The following PHLDB1 variants were observed in gnomAD, a reference collection of about 807,000 sequenced individuals.
PHLDB1 encodes pleckstrin homology like domain family B member 1.
In PHLDB1, 65 loss-of-function variants were observed where a neutral mutation model predicts 139.3. The ratio of observed to expected loss-of-function variants is 0.47; its 90% CI spans 0.38 to 0.57. The LOEUF is 0.57. Ranked by LOEUF, PHLDB1 falls within the 20% of genes least tolerant of loss-of-function variation. PHLDB1 has a pLI of 0.00. For missense variants in PHLDB1, 1,624 were observed against 1,839.7 expected (o/e 0.88, Z 2.14); for synonymous variants, 679 against 734.5 (o/e 0.92, Z 1.22).
Position 118,650,763 on chromosome 11 carries a change from A to G in PHLDB1, c.3874+216A>G, listed in dbSNP as rs1555135960. Reference sequence around the variant, plus strand: ...ATTCCTTCATTCAGCAATGTTACTAAGCATCTAGTAAGTTCTAGGCACTGT... The same window carrying G: ...ATTCCTTCATTCAGCAATGTTACTAGGCATCTAGTAAGTTCTAGGCACTGT... On this transcript the variant is annotated intron_variant, in intron 20 of 22. Coordinates refer to ENST00000600882, the MANE Select transcript of PHLDB1 (RefSeq NM_001144758.3). The surrounding 1 kb of genome is among the most constrained non-coding windows in gnomAD (Gnocchi z 4.7). The G allele has an allele frequency of 3.5e-6, 2 of 578,842 alleles. No homozygotes were observed. Among genetic ancestry groups the G allele is most frequent in the Non-Finnish European group, 6.2e-6 (2 of 323,668 alleles). The allele number at this position is 578,842 out of a possible 1,614,324, so 35.9% of individuals were successfully genotyped here.
Position 118,628,439 on chromosome 11 carries a change from G to GC in PHLDB1, c.1619dup (p.Ala541SerfsTer38). ...AAGGGCAGCTTCAGTGGCAGGCTGAGCCCAGCCTACAGTCTGGGCTCTCTT... is the reference window on the plus strand; with the variant it reads ...AAGGGCAGCTTCAGTGGCAGGCTGAGCCCCAGCCTACAGTCTGGGCTCTCTT... On this transcript the variant is annotated frameshift_variant, in exon 6 of 23. Transcript: ENST00000600882. LOFTEE classifies it high-confidence loss of function. 1 of 1,610,042 alleles carries GC rather than the reference G, an allele frequency of 6.2e-7. No homozygotes were observed. The highest frequency in any genetic ancestry group is 8.5e-7 in the Non-Finnish European group (1 of 1,178,678).
In PHLDB1 at chr11:118,656,928, G is replaced by A. The variant is rs192151177; in HGVS notation, c.*105G>A. ...GTGAGTTTCTGGGCTCTGGCCTCCT[G>A]AAGAACCAGCCAGAAGAAGAAAAGT... On this transcript the variant is annotated 3_prime_UTR_variant, in exon 23 of 23. Coordinates refer to ENST00000600882, the MANE Select transcript of PHLDB1 (RefSeq NM_001144758.3). 3.7e-4 allele frequency: 377 copies of A among 1,014,204 alleles called. 1 individual carries two copies. The highest frequency in any genetic ancestry group is 5.2e-4 in the Non-Finnish European group (362 of 696,386). 62.8% of individuals were successfully genotyped at this position (1,014,204 alleles called of 1,614,324 possible).
chr11:118,607,964 TC>T (rs1217138876), intron 1 of PHLDB1, among the ~76,000 whole-genome samples: 1 of 151,530 alleles, frequency 6.6e-6, no homozygotes, highest in Non-Finnish European at 1.5e-5. Context: ...CGTGACGCTC[TC>T]CCCCCCTTGG....
At chr11:118,622,703 G>A (rs924813631) in intron 4 of PHLDB1, among the ~76,000 whole-genome samples, 1 of 152,208 alleles carries the variant, frequency 6.6e-6, no homozygotes, top group African/African-American at 2.4e-5. Context: ...GAGTGGCTCT[G>A]TCTAGACCCT....
chr11:118,638,467 G>A (rs782597823), intron 10 of PHLDB1, among the ~76,000 whole-genome samples: 7 of 152,226 alleles, frequency 4.6e-5, no homozygotes, highest in Non-Finnish European at 8.8e-5. Context: ...AGATATTTGT[G>A]ACAGTGTGGA....
chr11:118,634,676 C>T (rs1477920125), intron 9 of PHLDB1: 1 of 217,510 alleles, frequency 4.6e-6, no homozygotes, highest in Admixed American at 5.6e-5. Flanking sequence ...CTTGGGCCCT[C>T]TCCCTCTTCA....
Position 118,635,500 on chromosome 11 carries a change from G to A in PHLDB1, c.2487G>A (p.Gly829=). ...VEEERELAGQ[G]LLRSKAELLR... ...AGGAGCGCGAGCTGGCCGGCCAGGG[G>A]CTGCTCCGGAGCAAGGCTGAGCTGC... is the stretch of plus-strand genomic sequence containing the variant. Residue 829 remains glycine, a synonymous_variant, in exon 10 of 23, where the codon GGG becomes GGA. Coordinates refer to ENST00000600882, the MANE Select transcript of PHLDB1 (RefSeq NM_001144758.3). The A allele has an allele frequency of 6.2e-7, 1 of 1,609,072 alleles. No homozygotes were observed. Among genetic ancestry groups the A allele is most frequent in the South Asian group, 1.1e-5 (1 of 90,144 alleles).
At chr11:118,625,518 T>C (rs1238410709) in intron 5 of PHLDB1, among the ~76,000 whole-genome samples, 16 of 152,232 alleles carry the variant, frequency 1.1e-4, no homozygotes, top group Admixed American at 9.8e-4. Flanking sequence ...CAGCTGTATT[T>C]TGTGTGTGAA....
At position 118,616,217 on chromosome 11, in the gene PHLDB1, G is replaced by A; in HGVS notation, c.355+6G>A. 1 of 1,613,224 alleles carries A rather than the reference G, an allele frequency of 6.2e-7. No individual in the cohort carries two copies. The highest frequency in any genetic ancestry group is 1.1e-5 in the South Asian group (1 of 91,042). On this transcript the variant is annotated splice_donor_region_variant and intron_variant, in intron 4 of 22. Coordinates refer to ENST00000600882, the MANE Select transcript of PHLDB1 (RefSeq NM_001144758.3). ...GCCTACCCGGCTCACTCAGGGTAAG[G>A]CTGGACACCTCCAGATGGAGGGGGC...
intron 20 of PHLDB1, chr11:118,651,028 A>G (rs1461524384): frequency 6.1e-6 from 1 of 164,734 alleles, no homozygotes; most frequent in Non-Finnish European, 1.3e-5. Flanking sequence ...TAGCCCAGGA[A>G]CAGGCCGACT....
chr11:118,611,823 A>T lies in PHLDB1; in HGVS notation c.-21-1993A>T, dbSNP rs4938516. 4.5e-3 allele frequency among the ~76,000 whole-genome samples: 475 copies of T among 105,116 alleles called. 3 individuals carry two copies. The highest frequency in any genetic ancestry group is 0.018 in the South Asian group (68 of 3,884). 69.0% of individuals were successfully genotyped at this position (105,116 alleles called of 152,430 possible). A position where few individuals can be genotyped will look rare whatever the true frequency, so the allele number is the denominator to read the frequency against. ...ACAAGAGTGAAACTCCGTCTCAAAA[A>T]AAAAAAAAAAATAATAATAATAATA... On this transcript the variant is annotated intron_variant, in intron 1 of 22. Coordinates refer to ENST00000600882, the MANE Select transcript of PHLDB1 (RefSeq NM_001144758.3). The surrounding 1 kb of genome is among the most constrained non-coding windows in gnomAD (Gnocchi z 4.7).
intron 1 of PHLDB1, among the ~76,000 whole-genome samples, chr11:118,609,738 C>T (rs1555082108): frequency 6.6e-6 from 1 of 152,224 alleles, no homozygotes; most frequent in Non-Finnish European, 1.5e-5. Flanking sequence ...GGCGGGCAGG[C>T]GGCAGCGGCA....
At chr11:118,635,693 G>T in intron 10 of PHLDB1, 145 bp downstream of exon 10, 1 of 710,164 alleles carries the variant, frequency 1.4e-6, no homozygotes. Context: ...GTTGTTGTGA[G>T]AATTAAACAA....
intron 17 of PHLDB1, chr11:118,646,607 T>C (rs1947576444): frequency 6.6e-6 from 1 of 152,240 alleles, no homozygotes; most frequent in Non-Finnish European, 1.5e-5. Flanking sequence ...CAGAGAGGGC[T>C]GACAGCTCCT....
chr11:118,643,649 T>C (rs1591704361), intron 13 of PHLDB1, 151 bp from the exon 14 acceptor site: 6 of 1,531,962 alleles, frequency 3.9e-6, no homozygotes, highest in Non-Finnish European at 5.2e-6. Context: ...CATCTGGCCA[T>C]TGGGCTGGCT....
At chr11:118,615,194 C>CAAAAAA (rs71041841) in intron 3 of PHLDB1, 27 of 65,430 alleles carry the variant, frequency 4.1e-4, no homozygotes, top group Non-Finnish European at 5.4e-4. Flanking sequence ...GACTCTATCT[C>CAAAAAA]AAAAAAAAAA....
chr11:118,631,857 A>C (rs1052115388), intron 7 of PHLDB1, 56 bp from the exon 8 acceptor site: 2 of 1,534,200 alleles, frequency 1.3e-6, no homozygotes, highest in African/African-American at 2.8e-5. Flanking sequence ...CCATTTTCTT[A>C]GTCTGATTCC....
chr11:118,645,410 C>A lies in PHLDB1; in HGVS notation c.3176C>A (p.Ala1059Glu). The change falls in exon 16 of 23, where the codon GCG becomes GAG. Residue 1059 changes from alanine to glutamate, a missense_variant. Coordinates refer to ENST00000600882, the MANE Select transcript of PHLDB1 (RefSeq NM_001144758.3). This position sits in a 1 kb window ranked among gnomAD's most constrained non-coding sequence, Gnocchi z 5.1. ...CGACTGGCTGAGCTGAAGCAGAAAGCGGCAGCTGAGGCACAGTGCCAGTGG... is the reference window on the plus strand; with the variant it reads ...CGACTGGCTGAGCTGAAGCAGAAAGAGGCAGCTGAGGCACAGTGCCAGTGG... ...RRRLAELKQK[A>E]AAEAQCQWDA... 6.5e-7 allele frequency: 1 copy of A among 1,530,472 alleles called. No individual in the cohort carries two copies. The highest frequency in any genetic ancestry group is 1.4e-5 in the African/African-American group (1 of 72,316). 94.8% of individuals were successfully genotyped at this position (1,530,472 alleles called of 1,614,324 possible). A position where few individuals can be genotyped will look rare whatever the true frequency, so the allele number is the denominator to read the frequency against.
intron 4 of PHLDB1, among the ~76,000 whole-genome samples, chr11:118,619,436 C>T (rs1942320496): frequency 6.6e-6 from 1 of 152,100 alleles, no homozygotes; most frequent in African/African-American, 2.4e-5. Context: ...CCCAGTTATT[C>T]CATCTGTAAA....
Sources: allele counts gnomAD v4.1 joint callset (sites outside exome capture counted in the v4.1 genomes callset), GRCh38; gene constraint gnomAD v4.1.1; non-coding constraint Gnocchi (gnomAD v3.1); transcripts MANE v1.5; gene names NCBI Gene and HGNC (gene_info 2026-07-23, HGNC 2026-07-21).